PRDM6: variants seen among roughly 807,000 people sequenced by gnomAD.
PRDM6 encodes putative histone-lysine N-methyltransferase PRDM6.
PRDM6 carries 25 observed loss-of-function variants against 60.8 expected under a neutral mutation model. The observed-to-expected ratio is 0.41, with a 90% confidence interval of 0.30 to 0.57. The LOEUF is 0.57. Ranked by LOEUF, PRDM6 falls within the 20% of genes least tolerant of loss-of-function variation. The probability of loss-of-function intolerance (pLI) is 0.27; values close to 1 mark genes in which losing one functional copy is unlikely to be tolerated. For missense variants in PRDM6, 839 were observed against 821.3 expected (o/e 1.02, Z -0.26); for synonymous variants, 407 against 357.4 (o/e 1.14, Z -1.57).
At chr5:123,133,068 AT>A (rs1764870542) in intron 3 of PRDM6, among the ~76,000 whole-genome samples, 1 of 152,112 alleles carries the variant, frequency 6.6e-6, no homozygotes, top group South Asian at 2.1e-4. Context: ...GCACCTTGAT[AT>A]TGATAACACA....
intron 3 of PRDM6, among the ~76,000 whole-genome samples, chr5:123,122,020 G>A (rs1199070109): frequency 6.6e-6 from 1 of 151,494 alleles, no homozygotes; most frequent in Non-Finnish European, 1.5e-5. Context: ...AACATTAGCT[G>A]GGCGTGGTGG....
intron 2 of PRDM6, among the ~76,000 whole-genome samples, chr5:123,091,025 C>T (rs1311532488): frequency 6.6e-6 from 1 of 152,110 alleles, no homozygotes; most frequent in African/African-American, 2.4e-5. Context: ...AGGGAGGGAC[C>T]CTCAGCGTCT....
At chr5:123,130,352 C>T (rs1434099029) in intron 3 of PRDM6, among the ~76,000 whole-genome samples, 8 of 128,848 alleles carry the variant, frequency 6.2e-5, no homozygotes, top group Admixed American at 4.1e-4. Flanking sequence ...TTCTCTCCCT[C>T]CTTTTTTTCT....
intron 3 of PRDM6, among the ~76,000 whole-genome samples, chr5:123,151,994 AT>A (rs1765379126): frequency 6.6e-6 from 1 of 152,038 alleles, no homozygotes; most frequent in African/African-American, 2.4e-5. Context: ...ATGGAGGGAA[AT>A]TAAAAAAAAA....
chr5:123,148,651 G>T (rs1231580479), intron 3 of PRDM6, among the ~76,000 whole-genome samples: 1 of 151,904 alleles, frequency 6.6e-6, no homozygotes, highest in Non-Finnish European at 1.5e-5. Context: ...CAGAAATGGG[G>T]ATTTGTGTCT....
At chr5:123,135,405 G>A (rs1015508280) in intron 3 of PRDM6, among the ~76,000 whole-genome samples, 4 of 152,124 alleles carry the variant, frequency 2.6e-5, no homozygotes, top group African/African-American at 9.7e-5. Flanking sequence ...AAATAAAACA[G>A]AACAGAAAGA....
At chr5:123,124,964 A>C (rs755147093) in intron 3 of PRDM6, among the ~76,000 whole-genome samples, 5 of 151,886 alleles carry the variant, frequency 3.3e-5, no homozygotes, top group Non-Finnish European at 7.4e-5. Context: ...TCTGTGAAAA[A>C]CTTTTCCTTT....
chr5:123,185,432 GTCA>G lies in PRDM6; in HGVS notation c.1674-1651_1674-1649del, dbSNP rs144598906. Among the ~76,000 whole-genome samples, 1,161 of 152,310 alleles carry G rather than the reference GTCA, an allele frequency of 7.6e-3. 22 individuals are homozygous for G. The highest frequency in any genetic ancestry group is 0.027 in the African/African-American group (1,109 of 41,572). On this transcript the variant is annotated intron_variant, in intron 7 of 7. Transcript: ENST00000407847. ...TAAACAATCAGCAGTTCGCTAACGTGTCATCAGCACTCCAGGAGCTCTGGAGAG... is the reference window on the plus strand; with the variant it reads ...TAAACAATCAGCAGTTCGCTAACGTGTCAGCACTCCAGGAGCTCTGGAGAG...
At position 123,154,543 on chromosome 5, in the gene PRDM6, A is replaced by C. The variant is rs529623329; in HGVS notation, c.901-1341A>C. ...AATAAAATAAATAAAGTAAAAAAAAACTCAGCTGTTTTTAAATGACTAGTA... is the reference window on the plus strand; with the variant it reads ...AATAAAATAAATAAAGTAAAAAAAACCTCAGCTGTTTTTAAATGACTAGTA... On this transcript the variant is annotated intron_variant, in intron 3 of 7. Coordinates refer to ENST00000407847, the MANE Select transcript of PRDM6 (RefSeq NM_001136239.4). 1.2e-4 allele frequency among the ~76,000 whole-genome samples: 19 copies of C among 152,162 alleles called. No individual in the cohort carries two copies. The East Asian group carries it at 1.9e-3, about 15-fold the overall frequency.
intron 3 of PRDM6, among the ~76,000 whole-genome samples, chr5:123,100,463 A>T (rs1269044487): frequency 1.3e-5 from 2 of 152,178 alleles, no homozygotes; most frequent in Non-Finnish European, 2.9e-5. Flanking sequence ...TTCTCAGATA[A>T]AAACAATTTT....
intron 3 of PRDM6, among the ~76,000 whole-genome samples, chr5:123,144,669 C>A (rs1246640511): frequency 1.3e-5 from 2 of 152,142 alleles, no homozygotes. Flanking sequence ...TGGGTGAAGT[C>A]TTTATCCTGC....
At chr5:123,093,933 G>A (rs922118107) in intron 2 of PRDM6, among the ~76,000 whole-genome samples, 2 of 152,028 alleles carry the variant, frequency 1.3e-5, no homozygotes, top group Non-Finnish European at 2.9e-5. Flanking sequence ...TGTCTCGGGG[G>A]AGAGTTGGAC....
intron 3 of PRDM6, among the ~76,000 whole-genome samples, chr5:123,123,460 C>A (rs1764626384): frequency 6.6e-6 from 1 of 152,210 alleles, no homozygotes; most frequent in Non-Finnish European, 1.5e-5. Context: ...GTTACTTTTA[C>A]ATACTGCATT....
At chr5:123,142,898 A>AC in intron 3 of PRDM6, among the ~76,000 whole-genome samples, 1 of 146,344 alleles carries the variant, frequency 6.8e-6, no homozygotes. Flanking sequence ...AAAAAAAAAA[A>AC]AAAACAAACA....
intron 3 of PRDM6, among the ~76,000 whole-genome samples, chr5:123,100,244 A>G (rs1049587238): frequency 2.0e-5 from 3 of 152,242 alleles, no homozygotes; most frequent in Non-Finnish European, 2.9e-5. Flanking sequence ...AGCTGCCTCC[A>G]TTCCAGCTGG....
In PRDM6 at chr5:123,190,921, G is replaced by C. The variant is rs1382954744; in HGVS notation, c.*3720G>C. 1 of 152,202 alleles carries C rather than the reference G, an allele frequency of 6.6e-6. No homozygotes were observed. Among genetic ancestry groups the C allele is most frequent in the Non-Finnish European group, 1.5e-5 (1 of 68,040 alleles). The allele number at this position is 152,202 out of a possible 1,614,324, so 9.4% of individuals were successfully genotyped here. A position where few individuals can be genotyped will look rare whatever the true frequency, so the allele number is the denominator to read the frequency against. ...TTGTCTCAGTGAAGTTAAAGATTTT[G>C]TTCCAACTGGGAAAATCTGAGAGAG... On this transcript the variant is annotated 3_prime_UTR_variant, in exon 8 of 8. Transcript: ENST00000407847.
chr5:123,102,170 T>C (rs1764117637), intron 3 of PRDM6, among the ~76,000 whole-genome samples: 1 of 152,210 alleles, frequency 6.6e-6, no homozygotes, highest in Non-Finnish European at 1.5e-5. Flanking sequence ...ATACAAAATG[T>C]GTCAGTCTCC....
chr5:123,098,821 CG>C (rs1434097422), intron 2 of PRDM6, among the ~76,000 whole-genome samples: 1 of 152,188 alleles, frequency 6.6e-6, no homozygotes, highest in Non-Finnish European at 1.5e-5. Flanking sequence ...AACAGCACCC[CG>C]GTCCCCCACC....
Position 123,155,913 on chromosome 5 carries a change from C to G in PRDM6, c.930C>G (p.His310Gln). The change falls in exon 4 of 8, where the codon CAC (histidine) becomes CAG (glutamine). Residue 310 changes from histidine to glutamine, a missense_variant. Physicochemically the swap from His to Gln is conservative, Grantham distance 24. Coordinates refer to ENST00000407847, the MANE Select transcript of PRDM6 (RefSeq NM_001136239.4). ...EIYDQDGTLQHFIDGGEPSKS... is the reference protein window; with the variant it reads ...EIYDQDGTLQQFIDGGEPSKS... ...ATGACCAGGATGGGACACTACAGCA[C>G]TTTATTGATGGTGGGGAACCTAGTA... 2 of 1,551,596 alleles carry G rather than the reference C, an allele frequency of 1.3e-6. No homozygotes were observed. Among genetic ancestry groups the G allele is most frequent in the Non-Finnish European group, 1.7e-6 (2 of 1,146,896 alleles).
Sources: allele counts gnomAD v4.1 joint callset (sites outside exome capture counted in the v4.1 genomes callset), GRCh38; gene constraint gnomAD v4.1.1; transcripts MANE v1.5; gene names NCBI Gene and HGNC (gene_info 2026-07-23, HGNC 2026-07-21).